ACBD6: variants seen among roughly 807,000 people sequenced by gnomAD.
The protein encoded by ACBD6 is acyl-CoA binding domain containing 6, also known as acyl-CoA-binding domain-containing protein 6.
A neutral mutation model predicts 37.2 loss-of-function variants in ACBD6; 28 were observed. The observed-to-expected ratio is 0.75, with a 90% CI of 0.56 to 1.03. ACBD6 has a LOEUF of 1.03. Among genes scored for constraint, ACBD6 ranks in the 50% least tolerant of loss-of-function variants. The pLI is 0.00. For synonymous variants in ACBD6, 113 were observed against 126.8 expected, an observed-to-expected ratio of 0.89 and a Z score of 0.73; for missense variants, 340 against 337.4, an observed-to-expected ratio of 1.01 and a Z score of -0.06.
At chr1:180,274,208 G>T in intron 10 of ACBD6, 1 of 1,614,146 alleles carries the variant, frequency 6.2e-7, no homozygotes, top group South Asian at 1.1e-5. Flanking sequence ...CTCAGAACTT[G>T]GCCACACCAA....
chr1:180,313,578 T>C (rs1650676037), intron 7 of ACBD6, among the ~76,000 whole-genome samples: 1 of 152,350 alleles, frequency 6.6e-6, no homozygotes, highest in East Asian at 1.9e-4. Context: ...TTTGAGCCAC[T>C]TGTTACTGAA....
intron 6 of ACBD6, among the ~76,000 whole-genome samples, chr1:180,320,537 GC>G (rs1272458621): frequency 6.6e-6 from 1 of 152,146 alleles, no homozygotes; most frequent in Non-Finnish European, 1.5e-5. Flanking sequence ...TACCTGGGAG[GC>G]TGAGGTTGGA....
Position 180,406,968 on chromosome 1 carries a change from A to C in ACBD6, c.573+6398T>G, listed in dbSNP as rs528361991. On this transcript the variant is annotated intron_variant, in intron 5 of 7. Transcript: ENST00000367595. The stretch of plus-strand genomic sequence containing the variant: ...TAGAAGTTTAATTTTGAGGCTACAC[A>C]CTTTTAGTCCATCATCAAAGCTTAC... Among the ~76,000 whole-genome samples, 5 of 152,332 alleles carry C rather than the reference A, an allele frequency of 3.3e-5. No individual in the cohort carries two copies. In the South Asian group the frequency reaches 1.0e-3, roughly 32 times the overall value.
At chr1:180,402,824 C>A (rs1054865520) in intron 5 of ACBD6, among the ~76,000 whole-genome samples, 1 of 151,028 alleles carries the variant, frequency 6.6e-6, no homozygotes, top group Non-Finnish European at 1.5e-5. Flanking sequence ...AATCCCTTCA[C>A]AAGAAATTAC....
chr1:180,395,466 A>AT (rs774323429), intron 6 of ACBD6, among the ~76,000 whole-genome samples: 262 of 151,882 alleles, frequency 1.7e-3, no homozygotes, highest in African/African-American at 5.1e-3. Context: ...GTGTTGTGTG[A>AT]TTTTTTTTTA....
chr1:180,500,857 G>A (rs919855965), intron 1 of ACBD6, among the ~76,000 whole-genome samples: 1 of 147,548 alleles, frequency 6.8e-6, no homozygotes, highest in Non-Finnish European at 1.5e-5. Flanking sequence ...AAAAAAGTGA[G>A]TGTCATGATG....
intron 3 of ACBD6, among the ~76,000 whole-genome samples, chr1:180,467,152 T>A (rs1650376530): frequency 6.6e-6 from 1 of 152,078 alleles, no homozygotes; most frequent in Admixed American, 6.6e-5. Context: ...TCACTATGTT[T>A]CTGAGGCTGC....
chr1:180,468,026 GAA>G (rs1650416577), intron 3 of ACBD6, among the ~76,000 whole-genome samples: 1 of 152,152 alleles, frequency 6.6e-6, no homozygotes, highest in African/African-American at 2.4e-5. Context: ...AGGATGAGAG[GAA>G]AACGGGGGTG....
At chr1:180,359,056 T>C (rs1245017420) in intron 6 of ACBD6, among the ~76,000 whole-genome samples, 3 of 152,170 alleles carry the variant, frequency 2.0e-5, no homozygotes, top group Admixed American at 6.5e-5. Flanking sequence ...AATCACAAAA[T>C]ACAGGGCTCC....
chr1:180,455,345 G>A (rs1649874397), intron 3 of ACBD6, among the ~76,000 whole-genome samples: 2 of 151,904 alleles, frequency 1.3e-5, no homozygotes, highest in Non-Finnish European at 2.9e-5. Context: ...CACGGGGAGG[G>A]GAACATCACA....
intron 6 of ACBD6, among the ~76,000 whole-genome samples, chr1:180,372,373 T>C (rs1048760368): frequency 1.3e-5 from 2 of 152,122 alleles, no homozygotes; most frequent in Non-Finnish European, 2.9e-5. Flanking sequence ...TCTAAATATA[T>C]CAGTATGCAC....
At chr1:180,299,801 C>T (rs1650062207) in intron 7 of ACBD6, among the ~76,000 whole-genome samples, 1 of 152,012 alleles carries the variant, frequency 6.6e-6, no homozygotes, top group Non-Finnish European at 1.5e-5. Context: ...GGAAGGCTAA[C>T]AGGCCATTTA....
intron 3 of ACBD6, among the ~76,000 whole-genome samples, chr1:180,459,185 A>T (rs1650035209): frequency 6.6e-6 from 1 of 152,240 alleles, no homozygotes; most frequent in African/African-American, 2.4e-5. Context: ...GTTATTCAAA[A>T]GAAATCTCTA....
chr1:180,390,307 A>G (rs1039416448), intron 6 of ACBD6, among the ~76,000 whole-genome samples: 3 of 146,620 alleles, frequency 2.0e-5, no homozygotes, highest in African/African-American at 5.0e-5. Flanking sequence ...AAGATCAGAT[A>G]GTTGTAGATA....
intron 3 of ACBD6, among the ~76,000 whole-genome samples, chr1:180,471,558 G>T (rs1436336813): frequency 6.6e-6 from 1 of 152,030 alleles, no homozygotes; most frequent in Non-Finnish European, 1.5e-5. Context: ...TCATGGTGGG[G>T]GGCAAAAGGC....
chr1:180,399,349 A>G (rs1260262479), intron 5 of ACBD6, among the ~76,000 whole-genome samples: 1 of 152,082 alleles, frequency 6.6e-6, no homozygotes, highest in Non-Finnish European at 1.5e-5. Context: ...GCTTACTGCA[A>G]CCTCTGCCTT....
chr1:180,340,137 G>T (rs1020575373), intron 6 of ACBD6, among the ~76,000 whole-genome samples: 4 of 152,132 alleles, frequency 2.6e-5, no homozygotes, highest in African/African-American at 4.8e-5. Flanking sequence ...TAGGAGATGA[G>T]GGGAGAGAGA....
intron 1 of ACBD6, among the ~76,000 whole-genome samples, chr1:180,498,569 A>T (rs1017154749): frequency 5.3e-5 from 8 of 152,194 alleles, no homozygotes; most frequent in African/African-American, 1.7e-4. Context: ...TTAATAAAGT[A>T]GTATTAAGGC....
rs749105049 is a variant in ACBD6 at position 180,430,167 on chromosome 1, G to T, written c.467+13C>A. The T allele has an allele frequency of 1.2e-6, 2 of 1,605,290 alleles. No individual in the cohort carries two copies. Among genetic ancestry groups the T allele is most frequent in the Admixed American group, 3.3e-5 (2 of 59,974 alleles). ...TATATATTTCTATTATCAAAGATCA[G>T]AAGAGAAATTACCTGATGGTTTCTT... On this transcript the variant is annotated intron_variant, in intron 4 of 7. Coordinates refer to ENST00000367595, the MANE Select transcript of ACBD6 (RefSeq NM_032360.4).
Sources: allele counts gnomAD v4.1 joint callset (sites outside exome capture counted in the v4.1 genomes callset), GRCh38; gene constraint gnomAD v4.1.1; transcripts MANE v1.5; gene names NCBI Gene and HGNC (gene_info 2026-07-23, HGNC 2026-07-21).